Variants in KAZN observed in about 807,000 individuals in gnomAD.
KAZN encodes kazrin.
A neutral mutation model predicts 87.4 loss-of-function variants in KAZN; 40 were observed. The observed-to-expected ratio is 0.46, with a 90% CI of 0.36 to 0.60. KAZN has a LOEUF of 0.60. Among genes scored for constraint, KAZN ranks in the 20% least tolerant of loss-of-function variants. The pLI is 0.00. For synonymous variants in KAZN, 466 were observed against 458.3 expected (o/e 1.02, Z -0.22); for missense variants, 898 against 1,073.9 (o/e 0.84, Z 2.29).
At chr1:13,971,879 C>T (rs1025263727) in intron 1 of KAZN, among the ~76,000 whole-genome samples, 19 of 152,162 alleles carry the variant, frequency 1.2e-4, no homozygotes, top group Admixed American at 6.5e-4. Flanking sequence ...CCTGCTTCCT[C>T]CATGTGAGAT....
chr1:14,605,382 A>G (rs1395932109), intron 1 of KAZN, among the ~76,000 whole-genome samples: 3 of 152,176 alleles, frequency 2.0e-5, no homozygotes, highest in Non-Finnish European at 2.9e-5. Flanking sequence ...ACAGTAAAAA[A>G]TCTGTCTATA....
In KAZN at chr1:14,135,335, G is replaced by A. The variant is rs1465655380; in HGVS notation, c.92-45100G>A. ...CAGTGAGTAATGACACAGATTTAAA[G>A]TCAGCCGAATAGCTGGTATCTGGCT... On this transcript the variant is annotated intron_variant, in intron 1 of 16. Coordinates refer to the KAZN transcript ENST00000636203. Among the ~76,000 whole-genome samples, 7 of 152,186 alleles carry A rather than the reference G, an allele frequency of 4.6e-5. 1 individual carries two copies. Among genetic ancestry groups the A allele is most frequent in the Admixed American group, 3.3e-4 (5 of 15,278 alleles).
intron 1 of KAZN, among the ~76,000 whole-genome samples, chr1:14,050,162 G>A (rs1254060593): frequency 9.2e-5 from 14 of 151,842 alleles, no homozygotes; most frequent in African/African-American, 2.7e-4. Context: ...GCTTGTGCGC[G>A]TGTGTGGGTG....
chr1:13,913,605 C>A (rs1359151723), intron 1 of KAZN, among the ~76,000 whole-genome samples: 3 of 152,170 alleles, frequency 2.0e-5, no homozygotes, highest in East Asian at 1.9e-4. Context: ...AAATCTGGTT[C>A]TCTTCTGGCC....
At chr1:13,935,522 C>A (rs1268455723) in intron 1 of KAZN, among the ~76,000 whole-genome samples, 2 of 152,086 alleles carry the variant, frequency 1.3e-5, no homozygotes, top group African/African-American at 2.4e-5. Flanking sequence ...AAGAACCTGG[C>A]CTTTGGGGAT....
intron 2 of KAZN, among the ~76,000 whole-genome samples, chr1:14,495,266 G>T (rs1452386015): frequency 6.6e-6 from 1 of 152,122 alleles, no homozygotes. Context: ...ACCCAGGCCT[G>T]GTGATTAAAA....
rs114683020 is a variant in KAZN, at chr1:14,388,850, G to A, written c.249+208258G>A. Among the ~76,000 whole-genome samples the A allele has an allele frequency of 2.9e-3, 442 of 152,104 alleles. 1 individual carries two copies. The highest frequency in any genetic ancestry group is 9.7e-3 in the African/African-American group (401 of 41,478). On this transcript the variant is annotated intron_variant, in intron 2 of 16. Coordinates refer to the KAZN transcript ENST00000636203. ...CAACCAAAGCAAAAAGGGACAAATA[G>A]GATCACATCAAATTAAAAGGCTTCT...
intron 1 of KAZN, among the ~76,000 whole-genome samples, chr1:13,932,942 A>G (rs1640582886): frequency 6.6e-6 from 1 of 152,332 alleles, no homozygotes; most frequent in East Asian, 1.9e-4. Flanking sequence ...TTTTGGGGGA[A>G]TAATTTTAGA....
intron 1 of KAZN, among the ~76,000 whole-genome samples, chr1:13,907,010 C>T (rs867241542): frequency 2.0e-5 from 3 of 152,162 alleles, no homozygotes; most frequent in Non-Finnish European, 4.4e-5. Flanking sequence ...CCAGGTAATG[C>T]GTGGAGTGGT....
chr1:14,108,096 T>A (rs1570754884), intron 1 of KAZN, among the ~76,000 whole-genome samples: 1 of 152,184 alleles, frequency 6.6e-6, no homozygotes, highest in Non-Finnish European at 1.5e-5. Context: ...GACCACGAGA[T>A]GCTCTAGAAG....
At chr1:14,270,894 A>G (rs892898837) in intron 2 of KAZN, among the ~76,000 whole-genome samples, 1 of 152,144 alleles carries the variant, frequency 6.6e-6, no homozygotes, top group African/African-American at 2.4e-5. Flanking sequence ...CCTGGTAATG[A>G]CACAGTTTGC....
At position 14,599,128 on chromosome 1, in the gene KAZN, GCGGCCC is replaced by G. The variant is rs1227464829; in HGVS notation, c.138_143del (p.Pro50_Gly51del). The G allele has an allele frequency of 1.9e-5, 29 of 1,519,482 alleles. No individual in the cohort carries two copies. Among genetic ancestry groups the G allele is most frequent in the Non-Finnish European group, 2.6e-5 (29 of 1,136,936 alleles). 94.1% of individuals were successfully genotyped at this position (1,519,482 alleles called of 1,614,324 possible). A position where few individuals can be genotyped will look rare whatever the true frequency, so the allele number is the denominator to read the frequency against. Reference sequence around the variant, plus strand: ...AGACTGGCGGAACTGAGCGGCGGCGGCGGCCCCGGCCCGGGCCCGGGAGCCGCGGCC... The same window carrying G: ...AGACTGGCGGAACTGAGCGGCGGCGGCGGCCCGGGCCCGGGAGCCGCGGCC... On this transcript the variant is annotated inframe_deletion, in exon 1 of 15. Coordinates refer to ENST00000376030, the MANE Select transcript of KAZN (RefSeq NM_201628.3). The surrounding 1 kb of genome is among the most constrained non-coding windows in gnomAD (Gnocchi z 4.4).
At chr1:14,667,060 G>A (rs867303621) in intron 1 of KAZN, among the ~76,000 whole-genome samples, 13 of 152,262 alleles carry the variant, frequency 8.5e-5, no homozygotes, top group Middle Eastern at 6.8e-3. Context: ...CCAGGAAGAC[G>A]TCATCTCAAG....
chr1:15,082,173 A>C (rs1196899296), intron 8 of KAZN, among the ~76,000 whole-genome samples: 1 of 128,576 alleles, frequency 7.8e-6, no homozygotes, highest in Non-Finnish European at 1.8e-5. Flanking sequence ...CAGCCCCCCT[A>C]TCTGAGGTCT....
At chr1:14,152,249 C>T (rs1645492492) in intron 1 of KAZN, among the ~76,000 whole-genome samples, 1 of 152,108 alleles carries the variant, frequency 6.6e-6, no homozygotes, top group Admixed American at 6.6e-5. Flanking sequence ...TCCTGTTGTG[C>T]TAGCAAACAG....
intron 2 of KAZN, among the ~76,000 whole-genome samples, chr1:14,385,582 T>G (rs1407748535): frequency 3.3e-5 from 5 of 152,238 alleles, no homozygotes; most frequent in African/African-American, 9.6e-5. Flanking sequence ...TCAGTAGTCA[T>G]TCAGGAGCAG....
chr1:14,638,136 C>T (rs1373539947), intron 1 of KAZN, among the ~76,000 whole-genome samples: 2 of 152,206 alleles, frequency 1.3e-5, no homozygotes, highest in South Asian at 4.1e-4. Flanking sequence ...GGCCCACCCT[C>T]ATCCAGGATG....
At chr1:14,955,373 C>G (rs1317827211) in intron 1 of KAZN, among the ~76,000 whole-genome samples, 1 of 152,322 alleles carries the variant, frequency 6.6e-6, no homozygotes, top group South Asian at 2.1e-4. Flanking sequence ...GCTGGTGGCC[C>G]CTGAGCTGGT....
At chr1:13,976,397 G>C (rs1638360015) in intron 1 of KAZN, among the ~76,000 whole-genome samples, 1 of 151,994 alleles carries the variant, frequency 6.6e-6, no homozygotes, top group Non-Finnish European at 1.5e-5. Context: ...TCCTTGTCAA[G>C]AAAAATTACT....
Sources: gnomAD v4.1 joint callset for allele counts (sites outside exome capture counted in the v4.1 genomes callset) on GRCh38, gnomAD v4.1.1 for gene constraint, Gnocchi (gnomAD v3.1) non-coding constraint, MANE v1.5 for transcripts, NCBI Gene and HGNC (gene_info 2026-07-23, HGNC 2026-07-21) for gene names.